MCTP1: variants seen among roughly 807,000 people sequenced by gnomAD.
The protein encoded by MCTP1 is multiple C2 and transmembrane domain containing 1.
In MCTP1, 69 loss-of-function variants were observed where a neutral mutation model predicts 120.6. That is an observed-to-expected ratio of 0.57 (90% CI 0.47 to 0.70). The LOEUF is 0.70. MCTP1 is among the 30% of genes least tolerant of loss of function. The pLI is 0.00. For missense variants in MCTP1, 1,203 were observed against 1,248.8 expected, an observed-to-expected ratio of 0.96 and a Z score of 0.55; for synonymous variants, 529 against 493.1, an observed-to-expected ratio of 1.07 and a Z score of -0.96.
chr5:95,017,655 T>A (rs1038475584), intron 1 of MCTP1, among the ~76,000 whole-genome samples, 171 bp from the exon 2 acceptor site: 7 of 152,144 alleles, frequency 4.6e-5, no homozygotes, highest in Non-Finnish European at 1.0e-4. Context: ...GTTTTGAAAT[T>A]TATGAAATTC....
intron 17 of MCTP1, among the ~76,000 whole-genome samples, chr5:94,862,030 T>C (rs575316998): frequency 2.0e-4 from 30 of 151,926 alleles, no homozygotes; most frequent in African/African-American, 7.0e-4. Flanking sequence ...TTCAATATGG[T>C]ATCATAATTA....
At chr5:94,825,351 T>G (rs1218068013) in intron 17 of MCTP1, among the ~76,000 whole-genome samples, 3 of 152,220 alleles carry the variant, frequency 2.0e-5, no homozygotes, top group Non-Finnish European at 4.4e-5. Flanking sequence ...TTGCAGTTTT[T>G]GAATGAGTTT....
rs146438649 is a variant in MCTP1, at chr5:94,765,546, C to T, written c.2610+13564G>A. 2.8e-3 allele frequency among the ~76,000 whole-genome samples: 432 copies of T among 151,604 alleles called. 2 individuals carry two copies. The highest frequency in any genetic ancestry group is 0.01 in the African/African-American group (414 of 41,366). On this transcript the variant is annotated intron_variant, in intron 19 of 22. Transcript: ENST00000515393. ...GAAACCATGTCTCTGCTAAAAAATA[C>T]AAAAATTAGCCAGGTATGGTGGCAT...
intron 1 of MCTP1, among the ~76,000 whole-genome samples, chr5:95,081,119 T>C (rs1202094675): frequency 6.6e-6 from 1 of 152,056 alleles, no homozygotes; most frequent in Non-Finnish European, 1.5e-5. Flanking sequence ...ACCTGGTAAC[T>C]ACTAAATCCT....
At chr5:94,723,229 T>A (rs943767354) in intron 19 of MCTP1, among the ~76,000 whole-genome samples, 2 of 152,158 alleles carry the variant, frequency 1.3e-5, no homozygotes, top group African/African-American at 4.8e-5. Flanking sequence ...CTTCCTGATA[T>A]TAGCCTTGAA....
chr5:94,928,209 A>AACACACACACACACACAC (rs60502360), intron 6 of MCTP1, among the ~76,000 whole-genome samples: 55 of 148,540 alleles, frequency 3.7e-4, no homozygotes, highest in African/African-American at 4.5e-4. Flanking sequence ...TCTAGGTTAA[A>AACACACACACACACACAC]ACACACACAC....
chr5:94,931,223 T>C (rs1319951939), intron 6 of MCTP1: 7 of 152,102 alleles, frequency 4.6e-5, no homozygotes, highest in African/African-American at 1.7e-4. Flanking sequence ...CTAAAAAAAT[T>C]AGTCATTATT....
At position 95,123,424 on chromosome 5, in the gene MCTP1, G is replaced by A. The variant is rs148054686; in HGVS notation, c.721-105940C>T. 7.3e-3 allele frequency among the ~76,000 whole-genome samples: 1,117 copies of A among 152,238 alleles called. 6 individuals carry two copies. Among genetic ancestry groups the A allele is most frequent in the Non-Finnish European group, 0.011 (740 of 68,008 alleles). ...GCAGGCCTCTCCTTAAATAAATGTC[G>A]CTGAGGATCCATAATGTGTACTTCA... On this transcript the variant is annotated intron_variant, in intron 1 of 22. Coordinates refer to ENST00000515393, the MANE Select transcript of MCTP1 (RefSeq NM_024717.7).
intron 1 of MCTP1, among the ~76,000 whole-genome samples, chr5:95,126,452 C>T (rs553667490): frequency 6.6e-6 from 1 of 152,248 alleles, no homozygotes; most frequent in African/African-American, 2.4e-5. Context: ...TTTCATGTAC[C>T]TAATGGTCTG....
chr5:94,829,438 T>C (rs903955871), intron 17 of MCTP1, among the ~76,000 whole-genome samples: 9 of 152,212 alleles, frequency 5.9e-5, no homozygotes, highest in African/African-American at 2.2e-4. Context: ...ATATCCGTTT[T>C]AAATTTTTTA....
At chr5:94,989,149 T>C (rs972605892) in intron 2 of MCTP1, among the ~76,000 whole-genome samples, 12 of 152,218 alleles carry the variant, frequency 7.9e-5, no homozygotes, top group African/African-American at 2.9e-4. Flanking sequence ...CAGGCTGGTC[T>C]CTAACTTCTG....
At position 95,284,039 on chromosome 5, in the gene MCTP1, G is replaced by A. The variant is rs921051077; in HGVS notation, c.537C>T (p.Ala179=). Residue 179 remains alanine (A), a synonymous_variant, in exon 1 of 23, where the codon GCC becomes GCT. Transcript: ENST00000515393. The surrounding 1 kb of genome is among the most constrained non-coding windows in gnomAD (Gnocchi z 5.2). ...CCTGACGCCGTGCACCCTCATCTCG[G>A]GCGCGGTCCCCCCTCGGGGGAGGCT... The part of the protein sequence containing the change: ...SPQPPPRGDR[A]RDEGARRQGP... The A allele has an allele frequency of 1.3e-6, 2 of 1,519,014 alleles. No homozygotes were observed. The highest frequency in any genetic ancestry group is 1.8e-6 in the Non-Finnish European group (2 of 1,135,350). 94.1% of individuals were successfully genotyped at this position (1,519,014 alleles called of 1,614,324 possible).
chr5:94,708,583 GA>G lies in MCTP1; in HGVS notation c.2856del (p.Arg953GlyfsTer30), dbSNP rs761472353. On this transcript the variant is annotated frameshift_variant, in exon 22 of 23. Transcript: ENST00000515393. LOFTEE classifies it high-confidence loss of function. The part of the protein sequence containing the change: ...VWGINKFTKK[L>X]RSPYAIDNNE... ...TTGTTATCAATTGCATATGGACTCC[GA>G]AGCTTTTTTGTAAATTTATTGATGC... 6.2e-7 allele frequency: 1 copy of G among 1,610,432 alleles called. No homozygotes were observed. The highest frequency in any genetic ancestry group is 1.1e-5 in the South Asian group (1 of 90,960).
rs925360543 is a variant in MCTP1 at position 95,282,986 on chromosome 5, T to G, written c.720+870A>C. On this transcript the variant is annotated intron_variant, in intron 1 of 22. Transcript: ENST00000515393. ...ACTAAGATATATTGGGAGAAAAATGTTCTTTAGGTCTCTGGCAGAGTGAAA... is the reference window on the plus strand; with the variant it reads ...ACTAAGATATATTGGGAGAAAAATGGTCTTTAGGTCTCTGGCAGAGTGAAA... 6.5e-4 allele frequency among the ~76,000 whole-genome samples: 99 copies of G among 152,236 alleles called. 1 individual carries two copies. Among genetic ancestry groups the G allele is most frequent in the Non-Finnish European group, 1.5e-5 (1 of 68,034 alleles).
At chr5:95,243,683 G>A (rs1013894864) in intron 1 of MCTP1, among the ~76,000 whole-genome samples, 5 of 152,148 alleles carry the variant, frequency 3.3e-5, no homozygotes, top group Admixed American at 2.6e-4. Context: ...ATCCACTCGA[G>A]ATGACAGGGA....
chr5:94,895,160 A>C (rs758609756), intron 10 of MCTP1, among the ~76,000 whole-genome samples: 4 of 152,222 alleles, frequency 2.6e-5, no homozygotes, highest in Non-Finnish European at 5.9e-5. Flanking sequence ...CTTTGCTTAT[A>C]GAAAAAATGA....
chr5:95,157,002 T>C lies in MCTP1; in HGVS notation c.720+126854A>G, dbSNP rs73777318. Among the ~76,000 whole-genome samples the C allele has an allele frequency of 7.9e-3, 1,196 of 152,122 alleles. 15 individuals carry two copies. Among genetic ancestry groups the C allele is most frequent in the African/African-American group, 0.027 (1,141 of 41,544 alleles). ...AGAAATGTGATTTGAGGAGTAGGAC[T>C]ACAAGCTTAAACCCAAAGCTCACAT... On this transcript the variant is annotated intron_variant, in intron 1 of 22. Coordinates refer to ENST00000515393, the MANE Select transcript of MCTP1 (RefSeq NM_024717.7).
chr5:95,041,942 G>A lies in MCTP1; in HGVS notation c.721-24458C>T, dbSNP rs553031764. Among the ~76,000 whole-genome samples, 12 of 152,180 alleles carry A rather than the reference G, an allele frequency of 7.9e-5. No individual in the cohort carries two copies. In the East Asian group the frequency reaches 1.2e-3, roughly 15 times the overall value. On this transcript the variant is annotated intron_variant, in intron 1 of 22. Coordinates refer to ENST00000515393, the MANE Select transcript of MCTP1 (RefSeq NM_024717.7). Reference sequence around the variant, plus strand: ...CGCATCCTTCAACTGAATCTGCCCCGTTTCTCAGTGTGAGTTGAAAAGACA... The same window carrying A: ...CGCATCCTTCAACTGAATCTGCCCCATTTCTCAGTGTGAGTTGAAAAGACA...
Position 94,733,919 on chromosome 5 carries a change from G to A in MCTP1, c.2611-19033C>T, listed in dbSNP as rs529689722. Reference sequence around the variant, plus strand: ...GCAGAGGTTGCAGTGAGCCCAGATCGTGCCACTGTACTCCAGCCTAGGCAA... The same window carrying A: ...GCAGAGGTTGCAGTGAGCCCAGATCATGCCACTGTACTCCAGCCTAGGCAA... On this transcript the variant is annotated intron_variant, in intron 19 of 22. Coordinates refer to ENST00000515393, the MANE Select transcript of MCTP1 (RefSeq NM_024717.7). Among the ~76,000 whole-genome samples the A allele has an allele frequency of 1.5e-3, 219 of 150,622 alleles. 1 individual carries two copies. Among genetic ancestry groups the A allele is most frequent in the African/African-American group, 4.6e-3 (187 of 40,954 alleles).
Sources: allele counts gnomAD v4.1 joint callset (sites outside exome capture counted in the v4.1 genomes callset), GRCh38; gene constraint gnomAD v4.1.1; non-coding constraint Gnocchi (gnomAD v3.1); transcripts MANE v1.5; gene names NCBI Gene and HGNC (gene_info 2026-07-23, HGNC 2026-07-21).